Variants in SEPTIN11 observed in about 807,000 individuals in gnomAD.
SEPTIN11 encodes the protein septin 11.
Under a neutral mutation model 51.4 loss-of-function variants are expected in SEPTIN11, and 25 were observed. The ratio of observed to expected loss-of-function variants is 0.49; its 90% CI spans 0.35 to 0.68. SEPTIN11 has a LOEUF of 0.68. Ranked by LOEUF, SEPTIN11 falls within the 30% of genes least tolerant of loss-of-function variation. The probability of loss-of-function intolerance (pLI) is 0.00; values close to 1 mark genes in which losing one functional copy is unlikely to be tolerated. For missense variants in SEPTIN11, 381 were observed against 520.8 expected, an observed-to-expected ratio of 0.73 and a Z score of 2.61; for synonymous variants, 174 against 184.1, an observed-to-expected ratio of 0.95 and a Z score of 0.44.
chr4:77,037,068 A>G lies in SEPTIN11; in HGVS notation c.*2556A>G. 1.7e-6 allele frequency: 2 copies of G among 1,145,792 alleles called. No individual in the cohort carries two copies. Among genetic ancestry groups the G allele is most frequent in the Non-Finnish European group, 2.1e-6 (2 of 935,128 alleles). The allele number at this position is 1,145,792 out of a possible 1,614,324, so 71.0% of individuals were successfully genotyped here. A position where few individuals can be genotyped will look rare whatever the true frequency, so the allele number is the denominator to read the frequency against. On this transcript the variant is annotated 3_prime_UTR_variant, in exon 10 of 10. Transcript: ENST00000264893. ...CTTGACCTGAATTTGGAAATCCGAAATTACTAATCCAGGCCAGGTGTGGTG... is the reference window on the plus strand; with the variant it reads ...CTTGACCTGAATTTGGAAATCCGAAGTTACTAATCCAGGCCAGGTGTGGTG...
chr4:76,995,621 AG>A (rs532143779), intron 1 of SEPTIN11, among the ~76,000 whole-genome samples: 54 of 152,304 alleles, frequency 3.5e-4, no homozygotes, highest in African/African-American at 1.0e-3. Context: ...TGAGAAAAAA[AG>A]GTTTCACAGA....
rs1338487131 is a variant in SEPTIN11 at position 77,035,681 on chromosome 4, G to A, written c.*1169G>A. On this transcript the variant is annotated 3_prime_UTR_variant, in exon 10 of 10. Transcript: ENST00000264893. ...AGAACAGCTGAAGTCTCAAATCATT[G>A]TCTGGAATTTTCCTCACCTTGGCTA... is the stretch of plus-strand genomic sequence containing the variant. 1.0e-6 allele frequency: 1 copy of A among 985,710 alleles called. No homozygotes were observed. Among genetic ancestry groups the A allele is most frequent in the Non-Finnish European group, 1.2e-6 (1 of 829,950 alleles). 61.1% of individuals were successfully genotyped at this position (985,710 alleles called of 1,614,324 possible).
intron 1 of SEPTIN11, among the ~76,000 whole-genome samples, chr4:76,965,718 C>T (rs1243612946): frequency 4.6e-5 from 7 of 152,164 alleles, no homozygotes; most frequent in African/African-American, 1.7e-4. Context: ...CAACATAAAG[C>T]AAGAATTGTT....
Position 77,005,777 on chromosome 4 carries a change from C to T in SEPTIN11, c.319C>T (p.Gln107Ter). ...TIVDTVGFGD[Q>*]INKDDSYKPI... ...TGTTGACACCGTGGGATTTGGAGACCAGATAAATAAAGATGACAGGTACAT... is the reference window on the plus strand; with the variant it reads ...TGTTGACACCGTGGGATTTGGAGACTAGATAAATAAAGATGACAGGTACAT... The change falls in exon 3 of 10, where the codon CAG (glutamine) becomes TAG (stop). Residue 107 changes from glutamine (Q) to a stop codon, truncating the protein, a stop_gained. Transcript: ENST00000264893. LOFTEE classifies it high-confidence loss of function. 6.2e-7 allele frequency: 1 copy of T among 1,613,502 alleles called. No homozygotes were observed. The highest frequency in any genetic ancestry group is 8.5e-7 in the Non-Finnish European group (1 of 1,179,728).
At chr4:76,990,538 A>C (rs1176724170) in intron 1 of SEPTIN11, among the ~76,000 whole-genome samples, 1 of 152,194 alleles carries the variant, frequency 6.6e-6, no homozygotes, top group Non-Finnish European at 1.5e-5. Context: ...TGCCTCCTTC[A>C]GATCAGCTTC....
At chr4:77,005,850 A>G in intron 3 of SEPTIN11, 54 bp downstream of exon 3, 7 of 1,519,542 alleles carry the variant, frequency 4.6e-6, no homozygotes, top group Non-Finnish European at 6.3e-6. Context: ...AGCAGGATCC[A>G]TCCCAGGTAA....
intron 1 of SEPTIN11, among the ~76,000 whole-genome samples, chr4:76,990,263 T>C (rs1215551346): frequency 6.6e-6 from 1 of 152,112 alleles, no homozygotes; most frequent in Non-Finnish European, 1.5e-5. Flanking sequence ...GGTGTGTTTT[T>C]ACAGAGCACT....
At chr4:76,954,350 C>T (rs1578112115) in intron 1 of SEPTIN11, among the ~76,000 whole-genome samples, 1 of 152,272 alleles carries the variant, frequency 6.6e-6, no homozygotes, top group Middle Eastern at 3.4e-3. Context: ...TTAGCTAGAC[C>T]TGTCTCAAAT....
rs1309389586 is a variant in SEPTIN11, at chr4:77,011,846, C to T, written c.450C>T (p.Cys150=). Residue 150 remains cysteine, a synonymous_variant, in exon 4 of 10, where the codon TGC becomes TGT. Transcript: ENST00000264893. ...FNYHDTRIHA[C]LYFIAPTGHS... Reference sequence around the variant, plus strand: ...ACCATGACACGAGGATCCATGCCTGCCTCTACTTTATTGCCCCTACTGGAC... The same window carrying T: ...ACCATGACACGAGGATCCATGCCTGTCTCTACTTTATTGCCCCTACTGGAC... The T allele has an allele frequency of 6.2e-7, 1 of 1,614,058 alleles. No individual in the cohort carries two copies. Among genetic ancestry groups the T allele is most frequent in the Admixed American group, 1.7e-5 (1 of 60,022 alleles).
downstream of SEPTIN11, chr4:77,039,870 A>T: frequency 2.4e-6 from 1 of 418,138 alleles, no homozygotes; most frequent in Non-Finnish European, 3.2e-6. Flanking sequence ...ATTTGGGACT[A>T]TGTTTTGGGG....
At chr4:76,955,091 A>T (rs1721504687) in intron 1 of SEPTIN11, among the ~76,000 whole-genome samples, 1 of 151,970 alleles carries the variant, frequency 6.6e-6, no homozygotes, top group South Asian at 2.1e-4. Flanking sequence ...GGAAGAATTG[A>T]TTTTTTTTCT....
intron 2 of SEPTIN11, among the ~76,000 whole-genome samples, chr4:76,998,447 G>A (rs186401001): frequency 2.6e-5 from 4 of 152,212 alleles, no homozygotes; most frequent in South Asian, 2.1e-4. Flanking sequence ...GGGAGAGTGC[G>A]CGCCTTTTCC....
chr4:76,976,457 C>T (rs1289882061), intron 1 of SEPTIN11, among the ~76,000 whole-genome samples: 6 of 152,270 alleles, frequency 3.9e-5, no homozygotes, highest in South Asian at 4.1e-4. Context: ...GACTGTCAGA[C>T]GACAATGGCT....
intron 2 of SEPTIN11, among the ~76,000 whole-genome samples, chr4:77,001,746 T>C (rs757010417): frequency 5.3e-5 from 8 of 152,356 alleles, no homozygotes; most frequent in Non-Finnish European, 1.2e-4. Flanking sequence ...AATATTGTTA[T>C]GGTTGTTTGG....
intron 1 of SEPTIN11, among the ~76,000 whole-genome samples, chr4:76,958,122 A>G (rs1444024516): frequency 6.6e-6 from 1 of 152,226 alleles, no homozygotes; most frequent in African/African-American, 2.4e-5. Context: ...GATAAATTGG[A>G]TAAGACGTAT....
intron 3 of SEPTIN11, 144 bp from the exon 4 acceptor site, chr4:77,011,591 G>C (rs1371749188): frequency 1.5e-6 from 1 of 665,462 alleles, no homozygotes; most frequent in African/African-American, 1.8e-5. Context: ...GCGCTGTTCA[G>C]GGATCAGGTG....
chr4:77,039,034 CA>C, downstream of SEPTIN11: 1 of 1,237,402 alleles, frequency 8.1e-7, no homozygotes, highest in Middle Eastern at 2.2e-4. Context: ...CATTAAGAAT[CA>C]AATTTGAATC....
Position 77,005,524 on chromosome 4 carries a change from T to TA in SEPTIN11, c.143-71dup, listed in dbSNP as rs1458596130. The TA allele has an allele frequency of 5.9e-5, 77 of 1,307,246 alleles. No individual in the cohort carries two copies. In the African/African-American group the frequency reaches 9.2e-4, roughly 16 times the overall value. The allele number at this position is 1,307,246 out of a possible 1,614,324, so 81.0% of individuals were successfully genotyped here. A position where few individuals can be genotyped will look rare whatever the true frequency, so the allele number is the denominator to read the frequency against. On this transcript the variant is annotated intron_variant, in intron 2 of 9. Coordinates refer to ENST00000264893, the MANE Select transcript of SEPTIN11 (RefSeq NM_018243.4). Reference sequence around the variant, plus strand: ...TTTTAAACTTTATAATCATGACTAATAAAAAATACTGATGAATTGAACTGA... The same window carrying TA: ...TTTTAAACTTTATAATCATGACTAATAAAAAAATACTGATGAATTGAACTGA...
chr4:76,952,578 A>G (rs1721393790), intron 1 of SEPTIN11, among the ~76,000 whole-genome samples: 1 of 152,224 alleles, frequency 6.6e-6, no homozygotes, highest in African/African-American at 2.4e-5. Context: ...AAATGGTTAT[A>G]TTCTGTTACA....
Sources: gnomAD v4.1 joint callset for allele counts (sites outside exome capture counted in the v4.1 genomes callset) on GRCh38, gnomAD v4.1.1 for gene constraint, MANE v1.5 for transcripts, NCBI Gene and HGNC (gene_info 2026-07-23, HGNC 2026-07-21) for gene names.